MECR: variants seen among roughly 807,000 people sequenced by gnomAD.
The protein encoded by MECR is mitochondrial trans-2-enoyl-CoA reductase.
Under a neutral mutation model 49.1 loss-of-function variants are expected in MECR, and 37 were observed. The ratio of observed to expected loss-of-function variants is 0.75; its 90% CI spans 0.58 to 0.99. The LOEUF (loss-of-function observed/expected upper bound fraction) is 0.99, where lower values mean the gene tolerates loss of function less well. Among genes scored for constraint, MECR ranks in the 50% least tolerant of loss-of-function variants. The pLI is 0.00. For missense variants in MECR, 470 were observed against 479.6 expected (o/e 0.98, Z 0.19); for synonymous variants, 198 against 191.1 (o/e 1.04, Z -0.30).
chr1:29,189,346 G>T (rs973540841), downstream of MECR, among the ~76,000 whole-genome samples: 1 of 152,068 alleles, frequency 6.6e-6, no homozygotes. Context: ...TGGGGTTACA[G>T]GTGTGAGCCA....
At chr1:29,171,572 T>C in the MECR span, 1 of 151,736 alleles carries the variant, frequency 6.6e-6, no homozygotes, top group Non-Finnish European at 1.5e-5. Flanking sequence ...AGTTGAAAAA[T>C]AAGTCATACA....
At chr1:29,224,217 C>G (rs1256014144) in intron 1 of MECR, 1 of 152,200 alleles carries the variant, frequency 6.6e-6, no homozygotes, top group East Asian at 1.9e-4. Flanking sequence ...AGGACCAACT[C>G]TTGGGGGCAC....
chr1:29,206,086 T>C (rs981021970), intron 4 of MECR, among the ~76,000 whole-genome samples: 3 of 152,248 alleles, frequency 2.0e-5, no homozygotes, highest in African/African-American at 7.2e-5. Context: ...AAGAAGAATA[T>C]AAGCAGCGGA....
At position 29,194,214 on chromosome 1, in the gene MECR, A is replaced by G. The variant is rs200739418; in HGVS notation, c.965-35T>C. 114 of 1,571,252 alleles carry G rather than the reference A, an allele frequency of 7.3e-5. 1 individual carries two copies. In the East Asian group the frequency reaches 1.2e-3, roughly 17 times the overall value. On this transcript the variant is annotated intron_variant, in intron 9 of 9. Transcript: ENST00000263702. ...GTTGGAGGAAATCAGACAAGAGAAC[A>G]GCAGCTGGGGCTTGGTGAGATGTGG... is the stretch of plus-strand genomic sequence containing the variant.
intron 7 of MECR, among the ~76,000 whole-genome samples, chr1:29,198,282 G>A (rs1008711031): frequency 1.3e-5 from 2 of 152,200 alleles, no homozygotes; most frequent in African/African-American, 2.4e-5. Context: ...CTGGGGACCC[G>A]TGTTAGACCA....
At chr1:29,191,725 T>C (rs74224170), downstream of MECR, among the ~76,000 whole-genome samples, 4 of 152,332 alleles carry the variant, frequency 2.6e-5, no homozygotes, top group East Asian at 5.8e-4. Flanking sequence ...CTGAGTCCTT[T>C]TTTCCAGCGG....
Position 29,230,890 on chromosome 1 carries a change from G to A in MECR, c.17C>T (p.Thr6Ile). The change falls in exon 1 of 10, where the codon ACC (threonine) becomes ATC (isoleucine). Residue 6 changes from threonine (T) to isoleucine (I), a missense_variant. Physicochemically the swap from Thr to Ile is moderately conservative, Grantham distance 89. Transcript: ENST00000263702. Reference protein sequence around the residue: MWVCSTLWRVRTPARQ... With the variant: MWVCSILWRVRTPARQ... ...GGCGGGGGTTCGCACCCGCCACAGGGTACTGCAGACCCACATGCTCGCTCC... is the reference window on the plus strand; with the variant it reads ...GGCGGGGGTTCGCACCCGCCACAGGATACTGCAGACCCACATGCTCGCTCC... The A allele has an allele frequency of 1.9e-6, 3 of 1,608,064 alleles. No homozygotes were observed. The highest frequency in any genetic ancestry group is 2.5e-6 in the Non-Finnish European group (3 of 1,179,362).
At chr1:29,216,723 A>G in intron 1 of MECR, 38 bp from the exon 2 acceptor site, 2 of 1,613,920 alleles carry the variant, frequency 1.2e-6, no homozygotes, top group Non-Finnish European at 1.7e-6. Flanking sequence ...CATGTCATCC[A>G]GGCTAGAATG....
chr1:29,209,766 G>T (rs553160552), intron 3 of MECR, among the ~76,000 whole-genome samples: 7 of 152,258 alleles, frequency 4.6e-5, no homozygotes, highest in Admixed American at 1.3e-4. Context: ...TAGGGAAATT[G>T]CTTGGAGCCT....
At position 29,230,722 on chromosome 1, in the gene MECR, G is replaced by A. The variant is rs1477982685; in HGVS notation, c.176+9C>T. The A allele has an allele frequency of 1.9e-6, 3 of 1,567,518 alleles. No individual in the cohort carries two copies. The highest frequency in any genetic ancestry group is 1.4e-5 in the African/African-American group (1 of 73,938). On this transcript the variant is annotated intron_variant, in intron 1 of 9. Coordinates refer to ENST00000263702, the MANE Select transcript of MECR (RefSeq NM_016011.5). ...AGTCCCCTTCCCCGGCTTCGGCGCCGTCTCTTACTCGACGACCTTGGCTGG... is the reference window on the plus strand; with the variant it reads ...AGTCCCCTTCCCCGGCTTCGGCGCCATCTCTTACTCGACGACCTTGGCTGG...
intron 1 of MECR, chr1:29,228,822 T>C (rs1462065581): frequency 1.3e-5 from 2 of 152,204 alleles, no homozygotes; most frequent in Non-Finnish European, 2.9e-5. Context: ...CAGAACTTAA[T>C]AAAAGGTTCA....
rs574705383 is a variant in MECR at position 29,197,595 on chromosome 1, A to G, written c.831-1337T>C. On this transcript the variant is annotated intron_variant, in intron 7 of 9. Transcript: ENST00000263702. Reference sequence around the variant, plus strand: ...GATGACCTCAGGCACATTTGGGGACAACACAAGGTAGACTTTCAAAACTAC... The same window carrying G: ...GATGACCTCAGGCACATTTGGGGACGACACAAGGTAGACTTTCAAAACTAC... Among the ~76,000 whole-genome samples, 6 of 152,328 alleles carry G rather than the reference A, an allele frequency of 3.9e-5. 1 individual carries two copies. In the South Asian group the frequency reaches 8.3e-4, roughly 21 times the overall value.
chr1:29,217,341 C>T (rs1251021006), intron 1 of MECR, among the ~76,000 whole-genome samples: 4 of 150,936 alleles, frequency 2.7e-5, no homozygotes, highest in African/African-American at 9.7e-5. Context: ...TCCCAAGTAG[C>T]TGGGACTAGA....
intron 1 of MECR, chr1:29,221,004 G>A: frequency 1.4e-6 from 1 of 736,234 alleles, no homozygotes; most frequent in South Asian, 6.2e-5. Flanking sequence ...AAATATTTAT[G>A]GACAGTCGAA....
the MECR span, among the ~76,000 whole-genome samples, chr1:29,182,155 T>C: frequency 6.6e-6 from 1 of 152,176 alleles, no homozygotes. Context: ...CCGCACCTCC[T>C]AGAGCCCAGC....
chr1:29,207,506 A>G (rs1399322216), intron 3 of MECR, among the ~76,000 whole-genome samples: 1 of 151,832 alleles, frequency 6.6e-6, no homozygotes, highest in African/African-American at 2.4e-5. Flanking sequence ...TTTGGGAGGC[A>G]AGGTGGGAGG....
At chr1:29,180,322 CT>C in the MECR span, among the ~76,000 whole-genome samples, 2 of 152,200 alleles carry the variant, frequency 1.3e-5, no homozygotes, top group African/African-American at 4.8e-5. Flanking sequence ...TCAATATATC[CT>C]TAAGAACTGA....
chr1:29,205,104 G>A (rs1005556454), intron 4 of MECR, among the ~76,000 whole-genome samples: 3 of 152,212 alleles, frequency 2.0e-5, no homozygotes, highest in Non-Finnish European at 4.4e-5. Context: ...CCCTTAGGGC[G>A]ACCCTTAAAC....
intron 4 of MECR, among the ~76,000 whole-genome samples, chr1:29,204,933 T>C (rs892252909): frequency 8.5e-5 from 13 of 152,256 alleles, no homozygotes; most frequent in Admixed American, 2.0e-4. Flanking sequence ...CAGCCAGGCC[T>C]TGGACAGTGG....
Sources: allele counts gnomAD v4.1 joint callset (sites outside exome capture counted in the v4.1 genomes callset), GRCh38; gene constraint gnomAD v4.1.1; transcripts MANE v1.5; gene names NCBI Gene and HGNC (gene_info 2026-07-23, HGNC 2026-07-21).